The following DCXR variants were observed in gnomAD, a reference collection of about 807,000 sequenced individuals.
The protein encoded by DCXR is L-xylulose reductase.
DCXR carries 24 observed loss-of-function variants against 25.9 expected under a neutral mutation model. That is an observed-to-expected ratio of 0.93 (90% CI 0.67 to 1.30). The LOEUF (loss-of-function observed/expected upper bound fraction) is 1.30, where lower values mean the gene tolerates loss of function less well. Among genes scored for constraint, DCXR ranks in the 50% most tolerant of loss-of-function variants. The pLI, the probability that DCXR is intolerant of heterozygous loss-of-function variation, is 0.00. For missense variants in DCXR, 348 were observed against 333.7 expected, an observed-to-expected ratio of 1.04 and a Z score of -0.33; for synonymous variants, 161 against 141.7, an observed-to-expected ratio of 1.14 and a Z score of -0.97.
At position 82,036,043 on chromosome 17, in the gene DCXR, C is replaced by T. The variant is rs61746217; in HGVS notation, c.652G>A (p.Ala218Thr). 0.013 allele frequency: 21,634 copies of T among 1,613,196 alleles called. 1,092 individuals are homozygous for T. In the East Asian group the frequency reaches 0.15, roughly 11 times the overall value. Residue 218 changes from alanine (A) to threonine (T), a missense_variant, in exon 8 of 8, where the codon GCC becomes ACC. Transcript: ENST00000306869. ...KFAEVEHVVNAILFLLSDRSG... is the reference protein window; with the variant it reads ...KFAEVEHVVNTILFLLSDRSG... ...CGGTCACTCAGCAGAAAGAGGATGG[C>T]GTTCACCACGTGCTCTACCTCTGTG... is the stretch of plus-strand genomic sequence containing the variant.
At position 82,037,475 on chromosome 17, in the gene DCXR, G is replaced by C. The variant is rs918177772; in HGVS notation, c.125C>G (p.Ala42Gly). 5.9e-6 allele frequency: 9 copies of C among 1,533,634 alleles called. No individual in the cohort carries two copies. The highest frequency in any genetic ancestry group is 2.0e-4 in the Middle Eastern group (1 of 4,902). Reference protein sequence around the residue: ...ARVVAVSRTQADLDSLVRECP... With the variant: ...ARVVAVSRTQGDLDSLVRECP... ...CTCGCGGACAAGGCTGTCAAGATCC[G>C]CCTGAGTCCGGCTCACAGCCACCAC... Residue 42 changes from alanine to glycine, a missense_variant, in exon 2 of 8, where the codon GCG (alanine) becomes GGG (glycine). Ala to Gly is a moderately conservative substitution (Grantham distance 60, BLOSUM62 0). Coordinates refer to ENST00000306869, the MANE Select transcript of DCXR (RefSeq NM_016286.4).
Position 82,036,884 on chromosome 17 carries a change from C to A in DCXR, c.280G>T (p.Glu94Ter). ...AAVALLQPFL[E>*]VTKEAFDRSF... ...CTGTCAAAGGCCTCCTTGGTGACCT[C>A]CAGGAAGGGCTGCAGCAGGGCGACA... Residue 94 changes from glutamate (E) to a stop codon, truncating the protein, a stop_gained, in exon 3 of 8, where the codon GAG becomes TAG. Transcript: ENST00000306869. LOFTEE classifies it high-confidence loss of function. 1 of 1,613,186 alleles carries A rather than the reference C, an allele frequency of 6.2e-7. No individual in the cohort carries two copies. Among genetic ancestry groups the A allele is most frequent in the South Asian group, 1.1e-5 (1 of 91,074 alleles).
rs191302793 is a variant in DCXR, at chr17:82,037,662, G to A, written c.21C>T (p.Gly7=). The change falls in exon 1 of 8, where the codon GGC becomes GGT. Residue 7 remains glycine (G), a synonymous_variant. Transcript: ENST00000306869. MELFLA[G]RRVLVTGAGK... ...CTGCCCCGGTGACCAGCACCCGGCG[G>A]CCCGCGAGGAACAGCTCCATGTCGG... 1.1e-3 allele frequency: 1,724 copies of A among 1,591,114 alleles called. 11 individuals are homozygous for A. In the African/African-American group the frequency reaches 0.02, roughly 19 times the overall value.
At position 82,035,985 on chromosome 17, in the gene DCXR, A is replaced by G; in HGVS notation, c.710T>C (p.Val237Ala). Residue 237 changes from valine (V) to alanine (A), a missense_variant, in exon 8 of 8, where the codon GTG becomes GCG. Physicochemically the swap from Val to Ala is moderately conservative, Grantham distance 64. Coordinates refer to ENST00000306869, the MANE Select transcript of DCXR (RefSeq NM_016286.4). ...SGMTTGSTLP[V>A]EGGFWAC Reference sequence around the variant, plus strand: ...TCAGCAGGCCCAGAAGCCCCCTTCCACCGGCAAAGTGGAACCCGTGGTCAT... The same window carrying G: ...TCAGCAGGCCCAGAAGCCCCCTTCCGCCGGCAAAGTGGAACCCGTGGTCAT... The G allele has an allele frequency of 6.2e-7, 1 of 1,613,212 alleles. No homozygotes were observed. The highest frequency in any genetic ancestry group is 8.5e-7 in the Non-Finnish European group (1 of 1,179,984).
At position 82,036,049 on chromosome 17, in the gene DCXR, C is replaced by A; in HGVS notation, c.646G>T (p.Val216Leu). 1.2e-6 allele frequency: 2 copies of A among 1,613,324 alleles called. No homozygotes were observed. The highest frequency in any genetic ancestry group is 1.7e-6 in the Non-Finnish European group (2 of 1,180,000). Residue 216 changes from valine (V) to leucine (L), a missense_variant, in exon 8 of 8, where the codon GTG (valine) becomes TTG (leucine). Val to Leu is a conservative substitution (Grantham distance 32). Transcript: ENST00000306869. Reference protein sequence around the residue: ...LGKFAEVEHVVNAILFLLSDR... With the variant: ...LGKFAEVEHVLNAILFLLSDR... ...CTCAGCAGAAAGAGGATGGCGTTCA[C>A]CACGTGCTCTACCTCTGTGGGCAGG...
At chr17:82,037,133 G>A in intron 2 of DCXR, 120 bp from the exon 3 acceptor site, 2 of 1,299,188 alleles carry the variant, frequency 1.5e-6, no homozygotes, top group Non-Finnish European at 2.1e-6. Flanking sequence ...CGAAGGTGTC[G>A]GGACTGTGGG....
rs771332809 is a variant in DCXR, at chr17:82,036,175, C to G, written c.631+16G>C. The G allele has an allele frequency of 6.2e-7, 1 of 1,612,136 alleles. No individual in the cohort carries two copies. Among genetic ancestry groups the G allele is most frequent in the Admixed American group, 1.7e-5 (1 of 59,938 alleles). On this transcript the variant is annotated intron_variant, in intron 7 of 7. Transcript: ENST00000306869. Reference sequence around the variant, plus strand: ...GACTGCTGGCACCACGCTGGCTGGGCTCCCACCTGACTCACCAGCAAACTT... The same window carrying G: ...GACTGCTGGCACCACGCTGGCTGGGGTCCCACCTGACTCACCAGCAAACTT...
rs548779482 is a variant in DCXR, at chr17:82,037,128, G to C, written c.151-115C>G. ...AGTAAAGGAGTTAGGAGTTCCGAAG[G>C]TGTCGGGACTGTGGGGCCAGCAGCC... On this transcript the variant is annotated intron_variant, in intron 2 of 7. Coordinates refer to ENST00000306869, the MANE Select transcript of DCXR (RefSeq NM_016286.4). 1.4e-5 allele frequency: 19 copies of C among 1,354,030 alleles called. No individual in the cohort carries two copies. The South Asian group carries it at 2.1e-4, about 15-fold the overall frequency. The allele number at this position is 1,354,030 out of a possible 1,614,324, so 83.9% of individuals were successfully genotyped here.
rs887412261 is a variant in DCXR at position 82,037,513 on chromosome 17, C to T, written c.87G>A (p.Ala29=). The part of the protein sequence containing the change: ...IGRGTVQALH[A]TGARVVAVSR... Reference sequence around the variant, plus strand: ...TCACAGCCACCACCCGCGCGCCCGTCGCGTGCAGCGCCTGGACCGTGCCGC... The same window carrying T: ...TCACAGCCACCACCCGCGCGCCCGTTGCGTGCAGCGCCTGGACCGTGCCGC... The change falls in exon 2 of 8, where the codon GCG becomes GCA. Residue 29 remains alanine, a synonymous_variant. Coordinates refer to ENST00000306869, the MANE Select transcript of DCXR (RefSeq NM_016286.4). 1.3e-6 allele frequency: 2 copies of T among 1,541,686 alleles called. No individual in the cohort carries two copies. Among genetic ancestry groups the T allele is most frequent in the Admixed American group, 1.9e-5 (1 of 52,654 alleles).
chr17:82,036,634 T>C lies in DCXR; in HGVS notation c.358A>G (p.Arg120Gly), dbSNP rs1598461455. 8 of 1,613,278 alleles carry C rather than the reference T, an allele frequency of 5.0e-6. No homozygotes were observed. The South Asian group carries it at 6.6e-5, about 13-fold the overall frequency. Residue 120 changes from arginine to glycine, a missense_variant, in exon 5 of 8, where the codon AGG becomes GGG. Arg to Gly is a moderately radical substitution (Grantham distance 125). Transcript: ENST00000306869. ...GGGACTCCCCGGGCTATTAAGCCCCTGGCCACAATCTGGAATCGCAGCGAG... is the reference window on the plus strand; with the variant it reads ...GGGACTCCCCGGGCTATTAAGCCCCCGGCCACAATCTGGAATCGCAGCGAG... ...AVIQVSQIVA[R>G]GLIARGVPGA...
intron 2 of DCXR, 200 bp downstream of exon 2, chr17:82,037,250 G>A: frequency 1.2e-6 from 1 of 844,282 alleles, no homozygotes; most frequent in Non-Finnish European, 1.8e-6. Flanking sequence ...CTGAGCCCGG[G>A]GGCCCCGGCG....
Position 82,036,620 on chromosome 17 carries a change from G to A in DCXR, c.372C>T (p.Ala124=). ...VSQIVARGLI[A]RGVPGAIVNV... ...TCACGATGGCCCCTGGGACTCCCCG[G>A]GCTATTAAGCCCCTGGCCACAATCT... Residue 124 remains alanine, a synonymous_variant, in exon 5 of 8, where the codon GCC becomes GCT. Coordinates refer to ENST00000306869, the MANE Select transcript of DCXR (RefSeq NM_016286.4). 1 of 1,613,230 alleles carries A rather than the reference G, an allele frequency of 6.2e-7. No individual in the cohort carries two copies. The highest frequency in any genetic ancestry group is 1.3e-5 in the African/African-American group (1 of 75,028).
intron 7 of DCXR, 22 bp from the exon 8 acceptor site, chr17:82,036,085 G>C (rs1256265940): frequency 6.2e-7 from 1 of 1,610,722 alleles, no homozygotes; most frequent in Non-Finnish European, 8.5e-7. Flanking sequence ...GCGGGGGTCA[G>C]GGGCATAGAG....
At chr17:82,037,429 C>G (rs753917560) in intron 2 of DCXR, 21 bp downstream of exon 2, 15 of 1,521,332 alleles carry the variant, frequency 9.9e-6, no homozygotes, top group Non-Finnish European at 1.1e-5. Flanking sequence ...CCTCGCAGCG[C>G]TGGGACCCGG....
chr17:82,036,487 G>C, intron 5 of DCXR, 39 bp from the exon 6 acceptor site: 1 of 1,612,992 alleles, frequency 6.2e-7, no homozygotes, highest in Non-Finnish European at 8.5e-7. Context: ...GCTGGGGTCG[G>C]TGATGAGGGC....
At position 82,035,909 on chromosome 17, in the gene DCXR, G is replaced by A; in HGVS notation, c.*51C>T. The A allele has an allele frequency of 6.7e-7, 1 of 1,483,728 alleles. No individual in the cohort carries two copies. Among genetic ancestry groups the A allele is most frequent in the Non-Finnish European group, 9.4e-7 (1 of 1,066,860 alleles). The allele number at this position is 1,483,728 out of a possible 1,614,324, so 91.9% of individuals were successfully genotyped here. ...GCAGCAGAATCAGGTTTATTGGAGGGATTGGGGGTAGGATGAGCACGGCAT... is the reference window on the plus strand; with the variant it reads ...GCAGCAGAATCAGGTTTATTGGAGGAATTGGGGGTAGGATGAGCACGGCAT... On this transcript the variant is annotated 3_prime_UTR_variant, in exon 8 of 8. Transcript: ENST00000306869.
At position 82,037,511 on chromosome 17, in the gene DCXR, G is replaced by C. The variant is rs753772586; in HGVS notation, c.89C>G (p.Thr30Arg). ...GRGTVQALHA[T>R]GARVVAVSRT... ...GCTCACAGCCACCACCCGCGCGCCC[G>C]TCGCGTGCAGCGCCTGGACCGTGCC... Residue 30 changes from threonine to arginine, a missense_variant, in exon 2 of 8, where the codon ACG becomes AGG. Coordinates refer to ENST00000306869, the MANE Select transcript of DCXR (RefSeq NM_016286.4). The C allele has an allele frequency of 1.3e-6, 2 of 1,541,394 alleles. No individual in the cohort carries two copies. Among genetic ancestry groups the C allele is most frequent in the South Asian group, 1.2e-5 (1 of 84,414 alleles).
rs201185898 is a variant in DCXR, at chr17:82,036,476, G to T, written c.449-28C>A. On this transcript the variant is annotated intron_variant, in intron 5 of 7. Transcript: ENST00000306869. ...ACGAAGAGGAACCCAAGCTGGCTGG[G>T]GCTGGGGTCGGTGATGAGGGCGAGG... The T allele has an allele frequency of 9.7e-5, 156 of 1,613,292 alleles. No individual in the cohort carries two copies. In the African/African-American group the frequency reaches 1.5e-3, roughly 16 times the overall value.
Position 82,036,289 on chromosome 17 carries a change from TTTACTGCATTCACTCGGATCTACACCGG to T in DCXR, c.514-9_532del. The T allele has an allele frequency of 6.6e-7, 1 of 1,524,496 alleles. No individual in the cohort carries two copies. Among genetic ancestry groups the T allele is most frequent in the Non-Finnish European group, 8.8e-7 (1 of 1,133,576 alleles). 94.4% of individuals were successfully genotyped at this position (1,524,496 alleles called of 1,614,324 possible). ...CATGGACGTCATCACCACTGTGGGG[TTTACTGCATTCACTCGGATCTACACCGG>T]GACAGCTGGGGTCAGCAGGGCAAGT... is the stretch of plus-strand genomic sequence containing the variant. On this transcript the variant is annotated splice_acceptor_variant and splice_polypyrimidine_tract_variant and coding_sequence_variant and intron_variant, in exon 7 of 8. Transcript: ENST00000306869. LOFTEE classifies it high-confidence loss of function.
Sources: gnomAD v4.1 joint callset for allele counts on GRCh38, gnomAD v4.1.1 for gene constraint, MANE v1.5 for transcripts, NCBI Gene and HGNC (gene_info 2026-07-23, HGNC 2026-07-21) for gene names.